Variants in FRMPD4 observed in about 807,000 individuals in gnomAD.
The protein encoded by FRMPD4 is FERM and PDZ domain containing 4, also known as FERM and PDZ domain-containing protein 4.
FRMPD4 carries 22 observed loss-of-function variants against 94.1 expected under a neutral mutation model. That is an observed-to-expected ratio of 0.23 (90% confidence interval 0.17 to 0.33). The LOEUF is 0.33. Ranked by LOEUF, FRMPD4 falls within the 10% of genes least tolerant of loss-of-function variation. FRMPD4 has a pLI of 1.00. For missense variants in FRMPD4, 1,111 were observed against 1,339.9 expected, an observed-to-expected ratio of 0.83 and a Z score of 2.67; for synonymous variants, 631 against 548.6, an observed-to-expected ratio of 1.15 and a Z score of -2.10.
intron 3 of FRMPD4, among the ~76,000 whole-genome samples, chrX:11,879,241 G>A (rs1433484327): frequency 5.4e-5 from 6 of 111,435 alleles, no homozygotes; most frequent in Non-Finnish European, 7.5e-5. Context: ...TCTTTTTAGC[G>A]CCTACATTTT....
chrX:12,352,458 G>A (rs905721005), intron 1 of FRMPD4, among the ~76,000 whole-genome samples: 18 of 111,914 alleles, frequency 1.6e-4, no homozygotes, highest in African/African-American at 5.2e-4. Context: ...TCAAATTAAC[G>A]TTAAAGAATG....
At chrX:11,833,904 C>G (rs2053488293) in intron 1 of FRMPD4, among the ~76,000 whole-genome samples, 1 of 111,587 alleles carries the variant, frequency 9.0e-6, no homozygotes, top group South Asian at 3.8e-4. Context: ...CCTTGGAGTA[C>G]TCTGTGATCC....
intron 1 of FRMPD4, among the ~76,000 whole-genome samples, chrX:12,280,032 A>G (rs1487265568): frequency 1.8e-5 from 2 of 110,901 alleles, no homozygotes; most frequent in Admixed American, 1.9e-4. Flanking sequence ...AAATGGCTTT[A>G]CAAATGGAAA....
chrX:12,652,783 G>A (rs1223813168), intron 4 of FRMPD4, among the ~76,000 whole-genome samples: 1 of 111,709 alleles, frequency 9.0e-6, no homozygotes, highest in African/African-American at 3.3e-5. Context: ...CCAGAAGGCT[G>A]CACAAGGCAA....
chrX:12,099,630 G>A (rs2055237223), intron 3 of FRMPD4, among the ~76,000 whole-genome samples: 1 of 112,081 alleles, frequency 8.9e-6, no homozygotes, highest in Non-Finnish European at 1.9e-5. Context: ...AATGAGCATG[G>A]GCCCTGGAAT....
chrX:12,032,860 C>G (rs1652626574), intron 3 of FRMPD4, among the ~76,000 whole-genome samples: 1 of 111,974 alleles, frequency 8.9e-6, no homozygotes, highest in African/African-American at 3.2e-5. Flanking sequence ...TCTGGGAAGC[C>G]TAAGATAAAT....
intron 2 of FRMPD4, among the ~76,000 whole-genome samples, chrX:12,530,481 C>T (rs907553002): frequency 9.0e-6 from 1 of 111,145 alleles, no homozygotes; most frequent in African/African-American, 3.3e-5. Flanking sequence ...AAAGGAACTG[C>T]AGAAGCAGGG....
rs1014368964 is a variant in FRMPD4 at position 12,103,729 on chromosome X, TAAAC to T, written c.95+225716_95+225719del. 4.6e-4 allele frequency among the ~76,000 whole-genome samples: 52 copies of T among 112,148 alleles called. 1 individual carries two copies. Among genetic ancestry groups the T allele is most frequent in the Admixed American group, 1.0e-3 (11 of 10,551 alleles). On this transcript the variant is annotated intron_variant, in intron 3 of 18. Coordinates refer to the FRMPD4 transcript ENST00000640291. ...TAATGGAAAATTTAGAAATTATAGATAAACAAACTCAACAAAGTTGAAAAATAAA... is the reference window on the plus strand; with the variant it reads ...TAATGGAAAATTTAGAAATTATAGATAAACTCAACAAAGTTGAAAAATAAA...
intron 1 of FRMPD4, among the ~76,000 whole-genome samples, chrX:12,360,659 C>T (rs2055971269): frequency 9.0e-6 from 1 of 111,533 alleles, no homozygotes; most frequent in South Asian, 3.7e-4. Context: ...GTACTAAAAT[C>T]TCATCATGCT....
intron 7 of FRMPD4, among the ~76,000 whole-genome samples, chrX:12,687,300 T>C (rs757554333): frequency 8.9e-6 from 1 of 112,450 alleles, no homozygotes; most frequent in Non-Finnish European, 1.9e-5. Context: ...ACTTCCTTCA[T>C]ACAAGACTTC....
At chrX:12,098,691 G>T (rs2147506528) in intron 3 of FRMPD4, among the ~76,000 whole-genome samples, 1 of 111,235 alleles carries the variant, frequency 9.0e-6, no homozygotes, top group African/African-American at 3.3e-5. Flanking sequence ...ATGATTTGGG[G>T]TGGGATGCTA....
chrX:12,463,692 G>GTTTTTTTTTTTT (rs1235218164), intron 1 of FRMPD4, among the ~76,000 whole-genome samples: 2 of 81,752 alleles, frequency 2.4e-5, no homozygotes, highest in African/African-American at 9.7e-5. Context: ...TTTTTTTTTT[G>GTTTTTTTTTTTT]TTTTTGTTTT....
chrX:12,447,876 C>T (rs2057218582), intron 1 of FRMPD4, among the ~76,000 whole-genome samples: 1 of 112,119 alleles, frequency 8.9e-6, no homozygotes. Context: ...TTCATCACAT[C>T]AAACTAAATG....
In FRMPD4 at chrX:12,247,172, G is replaced by A. The variant is rs146643882; in HGVS notation, c.41+108160G>A. On this transcript the variant is annotated intron_variant, in intron 1 of 16. Coordinates refer to ENST00000675598, the MANE Select transcript of FRMPD4 (RefSeq NM_001368397.1). The stretch of plus-strand genomic sequence containing the variant: ...AGGGCTATCCTGTGCATTGTAGGGT[G>A]TCTGGCAGCATCCCTGGTTTCTACC... 6.1e-3 allele frequency among the ~76,000 whole-genome samples: 680 copies of A among 111,642 alleles called. 8 individuals are homozygous for A. The highest frequency in any genetic ancestry group is 0.021 in the African/African-American group (649 of 30,698).
intron 1 of FRMPD4, among the ~76,000 whole-genome samples, chrX:12,311,872 C>A (rs1211142887): frequency 9.0e-6 from 1 of 111,199 alleles, no homozygotes; most frequent in African/African-American, 3.3e-5. Flanking sequence ...TTTGTGTTTT[C>A]TTTTCATTTA....
At chrX:12,511,653 G>A (rs1017825709) in intron 2 of FRMPD4, among the ~76,000 whole-genome samples, 1 of 111,334 alleles carries the variant, frequency 9.0e-6, no homozygotes, top group African/African-American at 3.3e-5. Context: ...AGAGACTTAC[G>A]GACACTGACA....
chrX:12,566,427 T>C (rs1236829352), intron 2 of FRMPD4, among the ~76,000 whole-genome samples: 3 of 111,434 alleles, frequency 2.7e-5, no homozygotes, highest in Non-Finnish European at 3.8e-5. Context: ...CCACCATGAC[T>C]GCCCCCTGAG....
At chrX:11,877,860 A>G (rs188251082) in intron 2 of FRMPD4, among the ~76,000 whole-genome samples, 2 of 111,929 alleles carry the variant, frequency 1.8e-5, no homozygotes, top group Admixed American at 1.9e-4. Flanking sequence ...TTCTTATAAA[A>G]GAATAAAGAA....
At chrX:12,140,604 G>C (rs781078391) in intron 1 of FRMPD4, among the ~76,000 whole-genome samples, 162 of 112,297 alleles carry the variant, frequency 1.4e-3, no homozygotes, top group Non-Finnish European at 2.6e-3. Flanking sequence ...CAATAGTATA[G>C]TTCAAAGTAA....
Sources: allele counts gnomAD v4.1 joint callset (sites outside exome capture counted in the v4.1 genomes callset), GRCh38; gene constraint gnomAD v4.1.1; transcripts MANE v1.5; gene names NCBI Gene and HGNC (gene_info 2026-07-23, HGNC 2026-07-21).